Variants in GALNTL6 observed in about 807,000 individuals in gnomAD.
GALNTL6 encodes the protein polypeptide N-acetylgalactosaminyltransferase-like 6.
A neutral mutation model predicts 73.7 loss-of-function variants in GALNTL6; 46 were observed. The observed-to-expected ratio is 0.62, with a 90% CI of 0.49 to 0.80. The LOEUF is 0.80. GALNTL6 is among the 30% of genes least tolerant of loss of function. GALNTL6 has a pLI of 0.00. For synonymous variants in GALNTL6, 259 were observed against 263.7 expected (o/e 0.98, Z 0.17); for missense variants, 604 against 755.0 (o/e 0.80, Z 2.34).
chr4:172,584,949 C>A (rs943109703), intron 5 of GALNTL6, among the ~76,000 whole-genome samples: 5 of 152,088 alleles, frequency 3.3e-5, no homozygotes, highest in African/African-American at 1.2e-4. Context: ...AAGAAAGATG[C>A]TACTAAATGC....
At chr4:172,321,233 G>A (rs914045578) in intron 4 of GALNTL6, among the ~76,000 whole-genome samples, 1 of 152,102 alleles carries the variant, frequency 6.6e-6, no homozygotes, top group Non-Finnish European at 1.5e-5. Flanking sequence ...TATCCCCCAT[G>A]GATGTGGGGG....
chr4:172,828,766 T>C (rs999832490), intron 7 of GALNTL6, among the ~76,000 whole-genome samples: 3 of 152,140 alleles, frequency 2.0e-5, no homozygotes, highest in Non-Finnish European at 4.4e-5. Flanking sequence ...GGAACCAGGC[T>C]AAAGTCCACG....
At chr4:172,674,593 G>A (rs1732173141) in intron 5 of GALNTL6, among the ~76,000 whole-genome samples, 1 of 152,034 alleles carries the variant, frequency 6.6e-6, no homozygotes, top group African/African-American at 2.4e-5. Context: ...ATCCTTTTCA[G>A]GGACACCAAC....
intron 5 of GALNTL6, among the ~76,000 whole-genome samples, chr4:172,450,379 A>G (rs1228944628): frequency 5.9e-5 from 9 of 151,682 alleles, no homozygotes; most frequent in Admixed American, 2.0e-4. Flanking sequence ...TATGTGGTCT[A>G]TCAACAAGCC....
At chr4:172,782,064 A>G (rs999258983) in intron 5 of GALNTL6, among the ~76,000 whole-genome samples, 9 of 152,126 alleles carry the variant, frequency 5.9e-5, no homozygotes, top group African/African-American at 2.2e-4. Context: ...AGGTGAAATA[A>G]TAAACCACTA....
At chr4:173,011,852 T>C (rs1490249538) in intron 11 of GALNTL6, among the ~76,000 whole-genome samples, 1 of 152,218 alleles carries the variant, frequency 6.6e-6, no homozygotes, top group Non-Finnish European at 1.5e-5. Context: ...CTGTGTCACC[T>C]GTGAAAGGGA....
intron 2 of GALNTL6, among the ~76,000 whole-genome samples, chr4:172,223,772 T>C (rs1736763004): frequency 6.6e-6 from 1 of 152,156 alleles, no homozygotes; most frequent in African/African-American, 2.4e-5. Context: ...AATGATATGA[T>C]GTAAACCTTT....
chr4:172,339,568 C>A (rs887992502), intron 4 of GALNTL6, among the ~76,000 whole-genome samples: 2 of 152,262 alleles, frequency 1.3e-5, no homozygotes, highest in African/African-American at 4.8e-5. Context: ...GAGTGACTGA[C>A]TCTGTATGCT....
At chr4:172,766,830 G>A (rs1445708741) in intron 5 of GALNTL6, among the ~76,000 whole-genome samples, 2 of 152,280 alleles carry the variant, frequency 1.3e-5, no homozygotes, top group South Asian at 2.1e-4. Flanking sequence ...AATTACTGCA[G>A]GAGTCAACCT....
intron 5 of GALNTL6, among the ~76,000 whole-genome samples, chr4:172,457,540 A>G (rs1183580410): frequency 6.6e-6 from 1 of 152,208 alleles, no homozygotes; most frequent in East Asian, 1.9e-4. Context: ...AATGGAAAGC[A>G]AAAACAAGCA....
At chr4:172,881,276 C>A (rs1429858423) in intron 7 of GALNTL6, among the ~76,000 whole-genome samples, 1 of 152,150 alleles carries the variant, frequency 6.6e-6, no homozygotes, top group African/African-American at 2.4e-5. Context: ...GGGAAAAGAT[C>A]AGGCTGCTAG....
chr4:172,344,450 A>G (rs566646119), intron 4 of GALNTL6, among the ~76,000 whole-genome samples: 1 of 152,316 alleles, frequency 6.6e-6, no homozygotes, highest in African/African-American at 2.4e-5. Flanking sequence ...GGCTTTCCTT[A>G]GAGTGAAAAT....
At chr4:172,287,507 C>G (rs1378284388) in intron 3 of GALNTL6, among the ~76,000 whole-genome samples, 1 of 152,136 alleles carries the variant, frequency 6.6e-6, no homozygotes, top group African/African-American at 2.4e-5. Flanking sequence ...TAATTTACAA[C>G]AAATTATGTC....
At chr4:172,851,722 C>A (rs1743828126) in intron 7 of GALNTL6, among the ~76,000 whole-genome samples, 1 of 152,040 alleles carries the variant, frequency 6.6e-6, no homozygotes, top group Non-Finnish European at 1.5e-5. Context: ...ACAAAGAAAC[C>A]CAGTTTAGTT....
Position 172,332,687 on chromosome 4 carries a change from A to T in GALNTL6, c.387-15836A>T, listed in dbSNP as rs181369128. Among the ~76,000 whole-genome samples, 123 of 152,060 alleles carry T rather than the reference A, an allele frequency of 8.1e-4. 2 individuals are homozygous for T. The South Asian group carries it at 0.016, about 19-fold the overall frequency. On this transcript the variant is annotated intron_variant, in intron 4 of 12. Transcript: ENST00000506823. The stretch of plus-strand genomic sequence containing the variant: ...CATTGTGTATATATACTATATTTTC[A>T]TTGTCCAGTCATCTGTTCATGAACA...
At chr4:172,642,583 G>A (rs1740039669) in intron 5 of GALNTL6, among the ~76,000 whole-genome samples, 1 of 151,872 alleles carries the variant, frequency 6.6e-6, no homozygotes, top group Admixed American at 6.6e-5. Flanking sequence ...GAGACAGGGA[G>A]AGATGTGATC....
intron 5 of GALNTL6, among the ~76,000 whole-genome samples, chr4:172,695,839 G>A (rs1329039370): frequency 1.3e-5 from 2 of 152,050 alleles, no homozygotes; most frequent in African/African-American, 2.4e-5. Context: ...TGTAGTCCCA[G>A]ATACTCAGGA....
chr4:172,225,764 A>T (rs1175239039), intron 2 of GALNTL6, among the ~76,000 whole-genome samples: 1 of 152,052 alleles, frequency 6.6e-6, no homozygotes, highest in Non-Finnish European at 1.5e-5. Context: ...TCAAAAATAA[A>T]TAAATAAATA....
intron 8 of GALNTL6, among the ~76,000 whole-genome samples, chr4:172,889,683 C>G (rs1745923032): frequency 6.6e-6 from 1 of 152,048 alleles, no homozygotes; most frequent in African/African-American, 2.4e-5. Context: ...GTTTTTGTGT[C>G]TATGTTCATC....
Sources: gnomAD v4.1 joint callset for allele counts (sites outside exome capture counted in the v4.1 genomes callset) on GRCh38, gnomAD v4.1.1 for gene constraint, MANE v1.5 for transcripts, NCBI Gene and HGNC (gene_info 2026-07-23, HGNC 2026-07-21) for gene names.